Variants in MCU observed in about 807,000 individuals in gnomAD.
The protein encoded by MCU is calcium uniporter protein, mitochondrial.
In MCU, 12 loss-of-function variants were observed where a neutral mutation model predicts 45.2. That is an observed-to-expected ratio of 0.27 (90% CI 0.17 to 0.43). The LOEUF (loss-of-function observed/expected upper bound fraction) is 0.43. MCU is among the 20% of genes least tolerant of loss of function. The probability of loss-of-function intolerance (pLI) is 1.00; values close to 1 mark genes in which losing one functional copy is unlikely to be tolerated. For missense variants in MCU, 324 were observed against 436.7 expected, an observed-to-expected ratio of 0.74 and a Z score of 2.30; for synonymous variants, 160 against 165.1, an observed-to-expected ratio of 0.97 and a Z score of 0.24.
At chr10:72,860,864 A>T (rs983221525) in intron 4 of MCU, among the ~76,000 whole-genome samples, 65 of 152,116 alleles carry the variant, frequency 4.3e-4, no homozygotes, top group Non-Finnish European at 5.0e-4. Flanking sequence ...ATTGCAGGGG[A>T]TATCTTTTTA....
rs546066870 is a variant in MCU, at chr10:72,692,899, G to T, written c.150+598G>T. The T allele has an allele frequency of 1.2e-4, 174 of 1,485,566 alleles. 7 individuals carry two copies. The South Asian group carries it at 2.1e-3, about 18-fold the overall frequency. 92.0% of individuals were successfully genotyped at this position (1,485,566 alleles called of 1,614,324 possible). A position where few individuals can be genotyped will look rare whatever the true frequency, so the allele number is the denominator to read the frequency against. On this transcript the variant is annotated intron_variant, in intron 1 of 7. Coordinates refer to ENST00000373053, the MANE Select transcript of MCU (RefSeq NM_138357.3). The stretch of plus-strand genomic sequence containing the variant: ...TGACTTCCTCTGTGTGTGTGCATGG[G>T]GAACCGGCTCCCTCGAGATGGATGC...
Position 72,762,287 on chromosome 10 carries a change from AAAG to A in MCU, c.150+69992_150+69994del, listed in dbSNP as rs573346643. On this transcript the variant is annotated intron_variant, in intron 1 of 7. Transcript: ENST00000373053. ...CACAGCTGAAATCTACCAGACATTC[AAAG>A]AAGAATTGGTACCAATCAATCCTAG... Among the ~76,000 whole-genome samples, 5 of 152,336 alleles carry A rather than the reference AAAG, an allele frequency of 3.3e-5. No individual in the cohort carries two copies. The South Asian group carries it at 1.0e-3, about 32-fold the overall frequency.
At chr10:72,769,124 G>C (rs1189609675) in intron 1 of MCU, among the ~76,000 whole-genome samples, 1 of 152,124 alleles carries the variant, frequency 6.6e-6, no homozygotes, top group Non-Finnish European at 1.5e-5. Context: ...GGCATTACAG[G>C]TGTGAGCCAT....
chr10:72,848,928 G>C (rs1373048685), intron 2 of MCU, among the ~76,000 whole-genome samples: 1 of 152,036 alleles, frequency 6.6e-6, no homozygotes, highest in Non-Finnish European at 1.5e-5. Context: ...GATGGTGGTG[G>C]CCTGGACTAA....
intron 1 of MCU, among the ~76,000 whole-genome samples, chr10:72,821,842 C>T (rs1363262708): frequency 6.6e-6 from 1 of 152,064 alleles, no homozygotes; most frequent in Non-Finnish European, 1.5e-5. Flanking sequence ...TTCCAACAGA[C>T]CACAGTTAGG....
At chr10:72,696,581 C>T (rs1842690538) in intron 1 of MCU, among the ~76,000 whole-genome samples, 1 of 152,056 alleles carries the variant, frequency 6.6e-6, no homozygotes, top group Admixed American at 6.5e-5. Context: ...ATCTTTAGGA[C>T]ACAAATTGAC....
rs778394330 is a variant in MCU, at chr10:72,859,243, G to T, written c.287G>T (p.Arg96Leu). The T allele has an allele frequency of 2.6e-5, 42 of 1,612,602 alleles. No individual in the cohort carries two copies. Among genetic ancestry groups the T allele is most frequent in the Non-Finnish European group, 3.4e-5 (40 of 1,179,352 alleles). The change falls in exon 3 of 8, where the codon CGC becomes CTC. Residue 96 changes from arginine to leucine, a missense_variant. Physicochemically the swap from Arg to Leu is moderately radical, Grantham distance 102. Coordinates refer to ENST00000373053, the MANE Select transcript of MCU (RefSeq NM_138357.3). ...GTGAGGCTACCATCCCGGCGTGAAC[G>T]CTGTCAGTTCACACTCAAGCCTATC... is the stretch of plus-strand genomic sequence containing the variant. ...ISVRLPSRRE[R>L]CQFTLKPISD...
At chr10:72,784,215 G>A (rs1000534325) in intron 1 of MCU, among the ~76,000 whole-genome samples, 2 of 152,182 alleles carry the variant, frequency 1.3e-5, no homozygotes, top group African/African-American at 4.8e-5. Flanking sequence ...TAAAGAGTAT[G>A]TAATTCAGAG....
chr10:72,693,399 T>C (rs894801575), intron 1 of MCU, among the ~76,000 whole-genome samples: 1 of 152,142 alleles, frequency 6.6e-6, no homozygotes, highest in Non-Finnish European at 1.5e-5. Context: ...AGTGTGATTA[T>C]TGGAGGATCA....
intron 1 of MCU, among the ~76,000 whole-genome samples, chr10:72,790,128 T>G (rs1016707254): frequency 6.6e-6 from 1 of 152,234 alleles, no homozygotes; most frequent in Non-Finnish European, 1.5e-5. Context: ...AAACTGTAGA[T>G]GTACACATCA....
intron 1 of MCU, among the ~76,000 whole-genome samples, chr10:72,750,138 G>A (rs1843473775): frequency 6.6e-6 from 1 of 152,084 alleles, no homozygotes; most frequent in Admixed American, 6.6e-5. Flanking sequence ...TGAAGTCACA[G>A]AATTCATCAG....
At chr10:72,847,693 T>A (rs545926078) in intron 2 of MCU, among the ~76,000 whole-genome samples, 1 of 152,174 alleles carries the variant, frequency 6.6e-6, no homozygotes, top group African/African-American at 2.4e-5. Flanking sequence ...CATAAACTAA[T>A]CTTTTATTAT....
chr10:72,842,056 G>C (rs1385137374), intron 2 of MCU, among the ~76,000 whole-genome samples: 1 of 152,166 alleles, frequency 6.6e-6, no homozygotes, highest in Non-Finnish European at 1.5e-5. Context: ...ATTGCTCTGA[G>C]TAAGGTAAAG....
chr10:72,827,650 T>C lies in MCU; in HGVS notation c.151-6709T>C, dbSNP rs536722585. Among the ~76,000 whole-genome samples the C allele has an allele frequency of 8.5e-5, 13 of 152,350 alleles. 1 individual carries two copies. The East Asian group carries it at 1.3e-3, about 16-fold the overall frequency. On this transcript the variant is annotated intron_variant, in intron 1 of 7. Coordinates refer to ENST00000373053, the MANE Select transcript of MCU (RefSeq NM_138357.3). Reference sequence around the variant, plus strand: ...TTTTTTATGTTGAGTCAATCTCTTATGGATATTGAAGTTTTGAGTTTATAT... The same window carrying C: ...TTTTTTATGTTGAGTCAATCTCTTACGGATATTGAAGTTTTGAGTTTATAT...
intron 1 of MCU, among the ~76,000 whole-genome samples, chr10:72,741,037 C>T (rs997103445): frequency 1.3e-5 from 2 of 151,228 alleles, no homozygotes; most frequent in African/African-American, 2.4e-5. Flanking sequence ...ATCTTTTTTT[C>T]TCAGATACAA....
At chr10:72,765,545 G>A (rs535939713) in intron 1 of MCU, among the ~76,000 whole-genome samples, 53 of 152,078 alleles carry the variant, frequency 3.5e-4, no homozygotes, top group Non-Finnish European at 6.6e-4. Context: ...TGTATTCCCA[G>A]CATTTTGGAA....
chr10:72,881,498 A>G (rs993315111), intron 6 of MCU, among the ~76,000 whole-genome samples: 3 of 152,174 alleles, frequency 2.0e-5, no homozygotes, highest in African/African-American at 7.2e-5. Context: ...AGGCCAGCCA[A>G]CATAGCAAGA....
At chr10:72,813,823 C>T (rs988796032) in intron 1 of MCU, among the ~76,000 whole-genome samples, 3 of 151,452 alleles carry the variant, frequency 2.0e-5, no homozygotes, top group African/African-American at 7.3e-5. Context: ...TTTTTCCTGA[C>T]TGTGAAACAA....
intron 1 of MCU, chr10:72,712,411 G>T (rs1160143858): frequency 1.3e-5 from 2 of 152,176 alleles, no homozygotes; most frequent in Non-Finnish European, 2.9e-5. Context: ...TGAGCTCGTG[G>T]GGGATTGAGC....
Sources: gnomAD v4.1 joint callset for allele counts (sites outside exome capture counted in the v4.1 genomes callset) on GRCh38, gnomAD v4.1.1 for gene constraint, MANE v1.5 for transcripts, NCBI Gene and HGNC (gene_info 2026-07-23, HGNC 2026-07-21) for gene names.